Variants in EPHA6 observed in about 807,000 individuals in gnomAD.
The protein encoded by EPHA6 is ephrin type-A receptor 6.
Under a neutral mutation model 112.0 loss-of-function variants are expected in EPHA6, and 50 were observed. That is an observed-to-expected ratio of 0.45 (90% CI 0.36 to 0.56). The LOEUF (loss-of-function observed/expected upper bound fraction) is 0.56, where lower values mean the gene tolerates loss of function less well. EPHA6 is among the 20% of genes least tolerant of loss of function. The pLI is 0.00. For synonymous variants in EPHA6, 529 were observed against 490.7 expected (o/e 1.08, Z -1.03); for missense variants, 1,280 against 1,417.4 (o/e 0.90, Z 1.56).
At chr3:96,870,853 A>G (rs937550691) in intron 2 of EPHA6, among the ~76,000 whole-genome samples, 4 of 152,098 alleles carry the variant, frequency 2.6e-5, no homozygotes, top group African/African-American at 4.8e-5. Flanking sequence ...GTAACTACCA[A>G]TAAACATTTG....
intron 3 of EPHA6, among the ~76,000 whole-genome samples, chr3:97,047,847 G>A (rs1173267326): frequency 6.6e-6 from 1 of 152,062 alleles, no homozygotes; most frequent in African/African-American, 2.4e-5. Context: ...AGGAAATACT[G>A]GAGAAATGCT....
At chr3:97,621,115 C>T (rs906817371) in intron 13 of EPHA6, among the ~76,000 whole-genome samples, 1 of 151,788 alleles carries the variant, frequency 6.6e-6, no homozygotes. Context: ...CCTTTGCAGG[C>T]ACAAGGATGG....
rs544873707 is a variant in EPHA6 at position 97,634,481 on chromosome 3, G to T, written c.2575-3392G>T. Among the ~76,000 whole-genome samples the T allele has an allele frequency of 2.6e-5, 4 of 152,118 alleles. No individual in the cohort carries two copies. In the East Asian group the frequency reaches 7.8e-4, roughly 29 times the overall value. ...ATAGAGAGATAAAATAACACAGGTG[G>T]GGTTCCCTGGGAAAGATTGTAAAAA... On this transcript the variant is annotated intron_variant, in intron 13 of 17. Transcript: ENST00000389672.
intron 14 of EPHA6, among the ~76,000 whole-genome samples, chr3:97,664,512 G>A (rs1204638986): frequency 1.3e-5 from 2 of 152,062 alleles, no homozygotes; most frequent in Admixed American, 6.6e-5. Context: ...ATTCAATTAG[G>A]AAAAGAGGAA....
In EPHA6 at chr3:97,087,796, A is replaced by G. The variant is rs570862579; in HGVS notation, c.1114+99803A>G. Reference sequence around the variant, plus strand: ...GGCACTCTGCTAATGAAGTCTCCTTAATGTTCAATGTGATCATTACAACAC... The same window carrying G: ...GGCACTCTGCTAATGAAGTCTCCTTGATGTTCAATGTGATCATTACAACAC... On this transcript the variant is annotated intron_variant, in intron 3 of 17. Transcript: ENST00000389672. Among the ~76,000 whole-genome samples the G allele has an allele frequency of 2.6e-5, 4 of 152,266 alleles. No homozygotes were observed. The East Asian group carries it at 7.7e-4, about 29-fold the overall frequency.
At chr3:97,447,041 T>G (rs978706141) in intron 6 of EPHA6, among the ~76,000 whole-genome samples, 5 of 152,198 alleles carry the variant, frequency 3.3e-5, no homozygotes, top group Admixed American at 2.6e-4. Context: ...TACTTTATGT[T>G]TAATAAGCAG....
chr3:97,622,052 T>G (rs1416247989), intron 13 of EPHA6, among the ~76,000 whole-genome samples: 3 of 151,876 alleles, frequency 2.0e-5, no homozygotes, highest in Admixed American at 1.3e-4. Flanking sequence ...TTTTTTATTT[T>G]GATAAAATAC....
intron 3 of EPHA6, among the ~76,000 whole-genome samples, chr3:97,168,382 C>A (rs181059699): frequency 2.6e-5 from 4 of 152,046 alleles, no homozygotes; most frequent in African/African-American, 7.2e-5. Context: ...GTGATTAGAT[C>A]GTGGGGGTGG....
At chr3:96,920,588 T>C (rs2039704440) in intron 2 of EPHA6, among the ~76,000 whole-genome samples, 1 of 152,024 alleles carries the variant, frequency 6.6e-6, no homozygotes, top group Non-Finnish European at 1.5e-5. Flanking sequence ...TTTATTGATA[T>C]GTAGCTCTTT....
chr3:97,135,113 A>G (rs1190544807), intron 3 of EPHA6, among the ~76,000 whole-genome samples: 2 of 152,150 alleles, frequency 1.3e-5, no homozygotes, highest in Non-Finnish European at 2.9e-5. Context: ...TCCTTGAGAG[A>G]TGATACCTAG....
At chr3:97,084,197 C>T (rs2046821843) in intron 3 of EPHA6, among the ~76,000 whole-genome samples, 1 of 147,992 alleles carries the variant, frequency 6.8e-6, no homozygotes, top group Admixed American at 6.7e-5. Context: ...TACTTTTCAT[C>T]CATTGCAAAA....
rs1423014631 is a variant in EPHA6 at position 97,517,556 on chromosome 3, AT to A, written c.2201-14800del. Among the ~76,000 whole-genome samples, 5 of 152,142 alleles carry A rather than the reference AT, an allele frequency of 3.3e-5. No individual in the cohort carries two copies. In the East Asian group the frequency reaches 9.6e-4, roughly 29 times the overall value. The stretch of plus-strand genomic sequence containing the variant: ...ATTGTAGAATAACTAAATCAAGCTA[AT>A]TAAAAAATTTGTTACTTCACATGCT... On this transcript the variant is annotated intron_variant, in intron 10 of 17. Transcript: ENST00000389672.
At position 97,589,745 on chromosome 3, in the gene EPHA6, C is replaced by G. The variant is rs143848647; in HGVS notation, c.2387-2867C>G. Among the ~76,000 whole-genome samples the G allele has an allele frequency of 7.7e-4, 117 of 152,136 alleles. 1 individual carries two copies. The highest frequency in any genetic ancestry group is 2.6e-3 in the African/African-American group (108 of 41,508). The stretch of plus-strand genomic sequence containing the variant: ...ATTTTGTATCTTGAACTTGTAACGG[C>G]TAGAGGAATACTCTTATTACATATA... On this transcript the variant is annotated intron_variant, in intron 11 of 17. Transcript: ENST00000389672.
chr3:97,094,300 C>A (rs2047169740), intron 3 of EPHA6, among the ~76,000 whole-genome samples: 1 of 152,030 alleles, frequency 6.6e-6, no homozygotes, highest in South Asian at 2.1e-4. Flanking sequence ...TATTAGACCC[C>A]CCTAGCAATA....
chr3:97,277,186 A>T (rs927296490), intron 5 of EPHA6, among the ~76,000 whole-genome samples: 1 of 152,134 alleles, frequency 6.6e-6, no homozygotes, highest in Non-Finnish European at 1.5e-5. Flanking sequence ...CAACAAGGCT[A>T]TTTATTTCAC....
chr3:97,144,320 C>T (rs1576566357), intron 3 of EPHA6, among the ~76,000 whole-genome samples: 1 of 151,662 alleles, frequency 6.6e-6, no homozygotes, highest in South Asian at 2.1e-4. Context: ...ATAATTTACA[C>T]ATTTAAAATT....
At chr3:97,251,425 G>T (rs563137141) in intron 5 of EPHA6, among the ~76,000 whole-genome samples, 2 of 152,056 alleles carry the variant, frequency 1.3e-5, no homozygotes, top group East Asian at 3.9e-4. Flanking sequence ...AGCTACTCGG[G>T]AGGCTGAATC....
In EPHA6 at chr3:97,405,225, C is replaced by G. The variant is rs767352629; in HGVS notation, c.1682C>G (p.Ala561Gly). The G allele has an allele frequency of 5.6e-6, 9 of 1,610,714 alleles. No individual in the cohort carries two copies. Among genetic ancestry groups the G allele is most frequent in the Non-Finnish European group, 7.6e-6 (9 of 1,178,308 alleles). Residue 561 changes from alanine (A) to glycine (G), a missense_variant, in exon 6 of 18, where the codon GCT (alanine) becomes GGT (glycine). By Grantham distance (60) the Ala-to-Gly change is moderately conservative. Around this residue, in one of 4 missense-constraint regions of EPHA6, gnomAD observed 878 missense variants for 999.7 expected, o/e 0.88. Transcript: ENST00000389672. ...NSIALSWQAP[A>G]FSNGAILDYE... ...ATTGCCCTATCATGGCAAGCACCTG[C>G]TTTTTCCAATGGAGCCATTCTGGAC...
intron 3 of EPHA6, among the ~76,000 whole-genome samples, chr3:97,069,454 A>G (rs2046285921): frequency 6.6e-6 from 1 of 152,130 alleles, no homozygotes; most frequent in South Asian, 2.1e-4. Context: ...GTATTGTTCA[A>G]GGGCCAACTG....
Sources: allele counts gnomAD v4.1 joint callset (sites outside exome capture counted in the v4.1 genomes callset), GRCh38; gene constraint gnomAD v4.1.1; regional missense constraint gnomAD v4.1.1; transcripts MANE v1.5; gene names NCBI Gene and HGNC (gene_info 2026-07-23, HGNC 2026-07-21).